The following AREL1 variants were observed in gnomAD, a reference collection of about 807,000 sequenced individuals.
The protein encoded by AREL1 is apoptosis-resistant E3 ubiquitin protein ligase 1.
AREL1 carries 62 observed loss-of-function variants against 99.0 expected under a neutral mutation model. That is an observed-to-expected ratio of 0.63 (90% CI 0.51 to 0.77). The LOEUF (loss-of-function observed/expected upper bound fraction) is 0.77. Among genes scored for constraint, AREL1 ranks in the 30% least tolerant of loss-of-function variants. The pLI, the probability that AREL1 is intolerant of heterozygous loss-of-function variation, is 0.00. For missense variants in AREL1, 879 were observed against 1,027.6 expected (o/e 0.86, Z 1.98); for synonymous variants, 380 against 376.5 (o/e 1.01, Z -0.11).
rs545985317 is a variant in AREL1 at position 74,669,719 on chromosome 14, T to C, written c.1844A>G (p.Asn615Ser). 1.9e-6 allele frequency: 3 copies of C among 1,614,202 alleles called. No individual in the cohort carries two copies. Among genetic ancestry groups the C allele is most frequent in the South Asian group, 2.2e-5 (2 of 91,086 alleles). Residue 615 changes from asparagine to serine, a missense_variant, in exon 15 of 20, where the codon AAC becomes AGC. Asn to Ser is a conservative substitution (Grantham distance 46). Transcript: ENST00000356357. ...FYKSKVCFILNNDMSEMELVF... is the reference protein window; with the variant it reads ...FYKSKVCFILSNDMSEMELVF... ...CAGCTCCATCTCACTCATGTCATTG[T>C]TGAGGATAAAACAAACTTTAGATTT... is the stretch of plus-strand genomic sequence containing the variant.
At chr14:74,684,169 G>T (rs1480527843) in intron 4 of AREL1, among the ~76,000 whole-genome samples, 2 of 152,126 alleles carry the variant, frequency 1.3e-5, no homozygotes, top group Middle Eastern at 3.2e-3. Context: ...AGAAACAGAA[G>T]GTGGGCCTGA....
chr14:74,688,715 T>C (rs566747510), intron 2 of AREL1, among the ~76,000 whole-genome samples: 18 of 152,256 alleles, frequency 1.2e-4, no homozygotes, highest in South Asian at 8.3e-4. Context: ...CCCACCCCCA[T>C]AGTATTTACT....
At chr14:74,676,099 G>A (rs541653612) in intron 7 of AREL1, 42 bp downstream of exon 7, 277 of 1,588,586 alleles carry the variant, frequency 1.7e-4, no homozygotes, top group Non-Finnish European at 2.3e-4. Flanking sequence ...GCAAAGAAAC[G>A]GCTGAAGAAC....
intron 14 of AREL1, 63 bp from the exon 15 acceptor site, chr14:74,669,837 T>C (rs1383877604): frequency 6.3e-7 from 1 of 1,599,302 alleles, no homozygotes; most frequent in African/African-American, 1.3e-5. Context: ...GTGTAACTGC[T>C]TAGAACCACT....
chr14:74,702,226 C>T (rs2090098926), intron 1 of AREL1, among the ~76,000 whole-genome samples: 1 of 152,208 alleles, frequency 6.6e-6, no homozygotes, highest in Non-Finnish European at 1.5e-5. Context: ...CATTTCCCCC[C>T]AACATTGCCC....
intron 1 of AREL1, among the ~76,000 whole-genome samples, chr14:74,708,343 C>A (rs549509488): frequency 6.6e-6 from 1 of 152,284 alleles, no homozygotes; most frequent in East Asian, 1.9e-4. Context: ...GTAATGCCAG[C>A]CTAAAACTTT....
Position 74,688,615 on chromosome 14 carries a change from T to C in AREL1, c.-45-2955A>G, listed in dbSNP as rs1431286298. ...CAACTGTCTTCTTGAAACCTCCTCATGACCAGAGAGTTAGTTCTATCAATT... is the reference window on the plus strand; with the variant it reads ...CAACTGTCTTCTTGAAACCTCCTCACGACCAGAGAGTTAGTTCTATCAATT... On this transcript the variant is annotated intron_variant, in intron 2 of 19. Coordinates refer to ENST00000356357, the MANE Select transcript of AREL1 (RefSeq NM_001039479.2). 3.3e-5 allele frequency among the ~76,000 whole-genome samples: 5 copies of C among 152,164 alleles called. No homozygotes were observed. In the East Asian group the frequency reaches 9.6e-4, roughly 29 times the overall value.
Position 74,676,124 on chromosome 14 carries a change from C to CT in AREL1, c.832+16dup, listed in dbSNP as rs2139889743. On this transcript the variant is annotated intron_variant, in intron 7 of 19. Coordinates refer to ENST00000356357, the MANE Select transcript of AREL1 (RefSeq NM_001039479.2). ...GGCTGAAGAACAGCACTAAATCATA[C>CT]TTTTCTTTTAACTTACCACTTAGGA... 6.2e-7 allele frequency: 1 copy of CT among 1,609,068 alleles called. No individual in the cohort carries two copies. The highest frequency in any genetic ancestry group is 1.7e-5 in the Admixed American group (1 of 59,922).
rs1265270886 is a variant in AREL1 at position 74,671,655 on chromosome 14, A to G, written c.1423-172T>C. Among the ~76,000 whole-genome samples, 4 of 152,242 alleles carry G rather than the reference A, an allele frequency of 2.6e-5. 1 individual carries two copies. The highest frequency in any genetic ancestry group is 4.1e-4 in the South Asian group (2 of 4,838). ...ATACCACCTGACATTTAAAATGCAC[A>G]TAACTTCAAATTTAAAGTTTTAAAA... is the stretch of plus-strand genomic sequence containing the variant. On this transcript the variant is annotated intron_variant, in intron 11 of 19. Coordinates refer to ENST00000356357, the MANE Select transcript of AREL1 (RefSeq NM_001039479.2).
At chr14:74,693,381 A>G (rs2089922322) in intron 1 of AREL1, among the ~76,000 whole-genome samples, 1 of 152,208 alleles carries the variant, frequency 6.6e-6, no homozygotes, top group South Asian at 2.1e-4. Flanking sequence ...CACTAAATAA[A>G]GTCCAGTAAA....
chr14:74,664,017 G>A lies in AREL1; in HGVS notation c.2251C>T (p.Leu751=). ...GAGGAGCCTGTTGTGAACTGAAGTA[G>A]CCGAGCCAACTCCTCCTGGGTCAGA... ...SSLTQEELAR[L]LQFTTGSSQL... Residue 751 remains leucine, a synonymous_variant, in exon 19 of 20, where the codon CTA becomes TTA. Transcript: ENST00000356357. The A allele has an allele frequency of 2.5e-6, 4 of 1,614,146 alleles. No homozygotes were observed. Among genetic ancestry groups the A allele is most frequent in the Non-Finnish European group, 3.4e-6 (4 of 1,180,022 alleles).
In AREL1 at chr14:74,672,874, G is replaced by A; in HGVS notation, c.1379C>T (p.Ser460Phe). ...LRQVHMKRPH[S>F]KVTLKVSRHA... Reference sequence around the variant, plus strand: ...TCTGCTGACCTTCAGGGTGACTTTGGAATGTGGTCTTTTCATATGTACCTG... The same window carrying A: ...TCTGCTGACCTTCAGGGTGACTTTGAAATGTGGTCTTTTCATATGTACCTG... The change falls in exon 11 of 20, where the codon TCC becomes TTC. Residue 460 changes from serine (S) to phenylalanine (F), a missense_variant. Physicochemically the swap from Ser to Phe is radical, Grantham distance 155. Transcript: ENST00000356357. 4.3e-6 allele frequency: 7 copies of A among 1,614,182 alleles called. No homozygotes were observed. The highest frequency in any genetic ancestry group is 5.9e-6 in the Non-Finnish European group (7 of 1,180,028).
intron 3 of AREL1, 119 bp downstream of exon 3, chr14:74,685,481 G>A: frequency 8.3e-7 from 1 of 1,204,488 alleles, no homozygotes; most frequent in Non-Finnish European, 1.2e-6. Context: ...GGTACATTCT[G>A]GCACGACTAG....
chr14:74,681,964 C>T (rs1038005676), intron 5 of AREL1, among the ~76,000 whole-genome samples: 1 of 152,114 alleles, frequency 6.6e-6, no homozygotes, highest in African/African-American at 2.4e-5. Flanking sequence ...GAAAAGGGTA[C>T]ACCAGATCTC....
At chr14:74,703,345 C>T (rs2090119018) in intron 1 of AREL1, among the ~76,000 whole-genome samples, 3 of 152,172 alleles carry the variant, frequency 2.0e-5, no homozygotes, top group Admixed American at 2.0e-4. Context: ...GAGACTTATT[C>T]ACTACCATGA....
chr14:74,677,500 CTTTTT>C (rs58383006), intron 5 of AREL1, among the ~76,000 whole-genome samples: 9 of 63,170 alleles, frequency 1.4e-4, no homozygotes, highest in South Asian at 6.3e-4. Flanking sequence ...TGTCTCTCTC[CTTTTT>C]TTTTTTTTTT....
rs187596086 is a variant in AREL1 at position 74,707,261 on chromosome 14, G to A, written c.-334+5672C>T. ...CAGGCGCCTGTAATCCCAGCTACTC[G>A]GGAGGCTGAGGCCGGAGAATAGTTT... On this transcript the variant is annotated intron_variant, in intron 1 of 19. Transcript: ENST00000356357. Among the ~76,000 whole-genome samples the A allele has an allele frequency of 1.6e-3, 237 of 152,058 alleles. 1 individual carries two copies. Among genetic ancestry groups the A allele is most frequent in the African/African-American group, 1.4e-3 (60 of 41,484 alleles).
At position 74,707,863 on chromosome 14, in the gene AREL1, G is replaced by A. The variant is rs181528132; in HGVS notation, c.-334+5070C>T. Among the ~76,000 whole-genome samples, 552 of 140,190 alleles carry A rather than the reference G, an allele frequency of 3.9e-3. 2 individuals are homozygous for A. The highest frequency in any genetic ancestry group is 0.014 in the African/African-American group (531 of 37,802). The allele number at this position is 140,190 out of a possible 152,430, so 92.0% of individuals were successfully genotyped here. ...TCCCAGCTACTTGGGAGGCTGAGGC[G>A]GGAGAATGGCGTGAACCCGGGAGGC... On this transcript the variant is annotated intron_variant, in intron 1 of 19. Coordinates refer to ENST00000356357, the MANE Select transcript of AREL1 (RefSeq NM_001039479.2).
At chr14:74,710,474 AT>A (rs2090259144) in intron 1 of AREL1, among the ~76,000 whole-genome samples, 1 of 152,172 alleles carries the variant, frequency 6.6e-6, no homozygotes, top group Non-Finnish European at 1.5e-5. Flanking sequence ...ATGATATGCA[AT>A]TTTCCCTCTG....
Sources: gnomAD v4.1 joint callset for allele counts (sites outside exome capture counted in the v4.1 genomes callset) on GRCh38, gnomAD v4.1.1 for gene constraint, MANE v1.5 for transcripts, NCBI Gene and HGNC (gene_info 2026-07-23, HGNC 2026-07-21) for gene names.